The following SLC35D1 variants were observed in gnomAD, a reference collection of about 807,000 sequenced individuals.
SLC35D1 encodes the protein nucleotide sugar transporter SLC35D1.
A neutral mutation model predicts 46.7 loss-of-function variants in SLC35D1; 31 were observed. The observed-to-expected ratio is 0.66, with a 90% CI of 0.50 to 0.90. SLC35D1 has a LOEUF of 0.90. Among genes scored for constraint, SLC35D1 ranks in the 40% least tolerant of loss-of-function variants. SLC35D1 has a pLI of 0.00. For synonymous variants in SLC35D1, 195 were observed against 164.6 expected, an observed-to-expected ratio of 1.18 and a Z score of -1.41; for missense variants, 397 against 426.2, an observed-to-expected ratio of 0.93 and a Z score of 0.60.
intron 8 of SLC35D1, among the ~76,000 whole-genome samples, chr1:67,032,740 A>G (rs1668043195): frequency 2.0e-5 from 3 of 152,168 alleles, no homozygotes; most frequent in South Asian, 4.1e-4. Flanking sequence ...CCATCCCCTC[A>G]AGCATTTATC....
At chr1:66,975,558 T>C in the SLC35D1 span, among the ~76,000 whole-genome samples, 5 of 151,906 alleles carry the variant, frequency 3.3e-5, no homozygotes, top group East Asian at 5.8e-4. Flanking sequence ...AAAAAAGTTA[T>C]CAGTATTTTA....
intron 8 of SLC35D1, 114 bp from the exon 9 acceptor site, chr1:67,021,716 CAG>C (rs61642354): frequency 0.04 from 18,350 of 455,842 alleles, 505 homozygotes; most frequent in South Asian, 0.052. Flanking sequence ...GACACAGACA[CAG>C]ACACAGACAC....
intron 8 of SLC35D1, among the ~76,000 whole-genome samples, chr1:67,040,115 C>T (rs2102339694): frequency 6.6e-6 from 1 of 152,134 alleles, no homozygotes; most frequent in African/African-American, 2.4e-5. Context: ...CCACCTCAGC[C>T]TCCCCAGTAG....
chr1:67,022,065 AT>A (rs1667818752), intron 8 of SLC35D1, among the ~76,000 whole-genome samples: 1 of 152,200 alleles, frequency 6.6e-6, no homozygotes, highest in African/African-American at 2.4e-5. Context: ...AGTTATACAA[AT>A]TCAGCTGAGG....
At chr1:67,044,015 T>C (rs2815378) in intron 7 of SLC35D1, among the ~76,000 whole-genome samples, 112,630 of 152,050 alleles carry the variant, frequency 0.74, 42,099 homozygotes, top group African/African-American at 0.83. Context: ...CACTGAAAAA[T>C]TGGAAATAAA....
intron 11 of SLC35D1, among the ~76,000 whole-genome samples, chr1:67,004,956 G>C (rs1296272284): frequency 6.6e-6 from 1 of 152,146 alleles, no homozygotes; most frequent in East Asian, 1.9e-4. Context: ...TCACAGTGGG[G>C]AACTTATCAT....
intron 3 of SLC35D1, 150 bp from the exon 4 acceptor site, chr1:67,052,229 C>CA (rs1645317063): frequency 1.5e-6 from 1 of 659,796 alleles, no homozygotes; most frequent in Admixed American, 2.5e-5. Context: ...GACACCCAAA[C>CA]ACCCAAACAA....
chr1:67,024,547 A>G (rs1667878289), intron 8 of SLC35D1, among the ~76,000 whole-genome samples: 1 of 152,202 alleles, frequency 6.6e-6, no homozygotes, highest in Non-Finnish European at 1.5e-5. Context: ...GTAGAACTCC[A>G]AGATGAAAGT....
chr1:66,995,488 C>CAAAAAAAAAAAAAAAAAAAAAAAAAA (rs1362097106), downstream of SLC35D1, among the ~76,000 whole-genome samples: 2 of 98,260 alleles, frequency 2.0e-5, no homozygotes, highest in Non-Finnish European at 4.1e-5. Flanking sequence ...AAAAACAGAC[C>CAAAAAAAAAAAAAAAAAAAAAAAAAA]AAAACCTCTG....
In SLC35D1 at chr1:66,999,355, T is replaced by C. The variant is rs1464039033; in HGVS notation, c.*4985A>G. ...GCTCTGGATTAGTCTCTGTATGCAG[T>C]TACAAAGGAATTTTAATACTTGTTT... is the stretch of plus-strand genomic sequence containing the variant. On this transcript the variant is annotated 3_prime_UTR_variant, in exon 12 of 12. Coordinates refer to ENST00000235345, the MANE Select transcript of SLC35D1 (RefSeq NM_015139.3). 1 of 152,320 alleles carries C rather than the reference T, an allele frequency of 6.6e-6. No homozygotes were observed. The highest frequency in any genetic ancestry group is 1.5e-5 in the Non-Finnish European group (1 of 68,034). 9.4% of individuals were successfully genotyped at this position (152,320 alleles called of 1,614,324 possible).
intron 10 of SLC35D1, among the ~76,000 whole-genome samples, chr1:67,019,402 T>G (rs950247206): frequency 1.3e-5 from 2 of 152,206 alleles, no homozygotes; most frequent in African/African-American, 4.8e-5. Flanking sequence ...TCACACAAAT[T>G]GACCTGTTAC....
chr1:67,018,018 T>G (rs1440427353), intron 10 of SLC35D1, among the ~76,000 whole-genome samples: 1 of 152,188 alleles, frequency 6.6e-6, no homozygotes, highest in African/African-American at 2.4e-5. Flanking sequence ...AATATATTTA[T>G]CTGACTTATT....
chr1:66,978,721 A>G, the SLC35D1 span, among the ~76,000 whole-genome samples: 73 of 152,308 alleles, frequency 4.8e-4, 1 homozygote, highest in South Asian at 4.6e-3. Flanking sequence ...CAGTAACAAC[A>G]TAAGAATGGC....
the SLC35D1 span, chr1:66,987,314 C>T: frequency 6.5e-6 from 1 of 152,692 alleles, no homozygotes; most frequent in Non-Finnish European, 1.5e-5. Context: ...AGATTTAGTA[C>T]ATTTCAGAAC....
At chr1:67,024,741 C>T (rs1466440250) in intron 8 of SLC35D1, among the ~76,000 whole-genome samples, 1 of 151,984 alleles carries the variant, frequency 6.6e-6, no homozygotes. Flanking sequence ...AATTTCCCAC[C>T]CCGCCCCCCA....
chr1:67,049,897 A>T (rs1645289913), intron 5 of SLC35D1, 47 bp from the exon 6 acceptor site: 1 of 1,365,556 alleles, frequency 7.3e-7, no homozygotes, highest in Non-Finnish European at 1.0e-6. Context: ...TTATTCCCAC[A>T]CTCATTTTAC....
intron 7 of SLC35D1, among the ~76,000 whole-genome samples, chr1:67,042,940 G>A (rs1645210738): frequency 2.0e-5 from 3 of 152,174 alleles, no homozygotes; most frequent in East Asian, 1.9e-4. Context: ...GCTCACGCCT[G>A]TAATCCCAGC....
chr1:67,043,703 T>C (rs7512229), intron 7 of SLC35D1, among the ~76,000 whole-genome samples: 23,601 of 152,200 alleles, frequency 0.16, 3,876 homozygotes, highest in African/African-American at 0.41. Flanking sequence ...TTAAGATTAC[T>C]ATAACTACAG....
At chr1:67,049,567 C>T (rs890404291) in intron 6 of SLC35D1, among the ~76,000 whole-genome samples, 15 of 152,218 alleles carry the variant, frequency 9.9e-5, no homozygotes, top group Non-Finnish European at 1.8e-4. Context: ...TTCTAAATTA[C>T]ATCAATTTAA....
Sources: allele counts gnomAD v4.1 joint callset (sites outside exome capture counted in the v4.1 genomes callset), GRCh38; gene constraint gnomAD v4.1.1; transcripts MANE v1.5; gene names NCBI Gene and HGNC (gene_info 2026-07-23, HGNC 2026-07-21).